Variants in SUGCT observed in about 807,000 individuals in gnomAD.
SUGCT encodes succinyl-CoA:glutarate CoA-transferase.
In SUGCT, 41 loss-of-function variants were observed where a neutral mutation model predicts 55.0. The observed-to-expected ratio is 0.74, with a 90% CI of 0.58 to 0.97. SUGCT has a LOEUF of 0.97. Ranked by LOEUF, SUGCT falls within the 50% of genes least tolerant of loss-of-function variation. SUGCT has a pLI of 0.00. For synonymous variants in SUGCT, 187 were observed against 200.4 expected (o/e 0.93, Z 0.56); for missense variants, 568 against 547.8 (o/e 1.04, Z -0.37).
chr7:40,741,240 C>A (rs1787444275), intron 12 of SUGCT, among the ~76,000 whole-genome samples: 1 of 151,664 alleles, frequency 6.6e-6, no homozygotes, highest in Non-Finnish European at 1.5e-5. Context: ...CCACTGCACT[C>A]CAGCCTGGGT....
At chr7:40,809,221 C>G (rs922667268) in intron 13 of SUGCT, among the ~76,000 whole-genome samples, 3 of 152,148 alleles carry the variant, frequency 2.0e-5, no homozygotes, top group African/African-American at 7.2e-5. Context: ...TTGTGAAGTG[C>G]TTAATACTAC....
chr7:40,898,008 G>C, the SUGCT span, among the ~76,000 whole-genome samples: 4 of 152,076 alleles, frequency 2.6e-5, no homozygotes, highest in African/African-American at 4.8e-5. Flanking sequence ...GTTCCCTTCC[G>C]GTGTGAAAGG....
At chr7:40,507,635 C>G (rs977259133) in intron 12 of SUGCT, among the ~76,000 whole-genome samples, 1 of 152,098 alleles carries the variant, frequency 6.6e-6, no homozygotes, top group Non-Finnish European at 1.5e-5. Flanking sequence ...GATTTTGAAG[C>G]CTAGCTTTCT....
At chr7:40,898,031 C>G in the SUGCT span, among the ~76,000 whole-genome samples, 34 of 152,136 alleles carry the variant, frequency 2.2e-4, no homozygotes, top group African/African-American at 8.0e-4. Flanking sequence ...TGTTCTTTCG[C>G]TTTTCAGATA....
intron 12 of SUGCT, among the ~76,000 whole-genome samples, chr7:40,701,321 G>A (rs902745333): frequency 3.9e-5 from 6 of 152,176 alleles, no homozygotes; most frequent in African/African-American, 1.4e-4. Context: ...TCCTATCTCA[G>A]CCACGGCAGC....
chr7:40,472,632 G>T lies in SUGCT; in HGVS notation c.986+13434G>T, dbSNP rs190431367. Among the ~76,000 whole-genome samples the T allele has an allele frequency of 4.6e-5, 7 of 151,940 alleles. No individual in the cohort carries two copies. The East Asian group carries it at 7.7e-4, about 17-fold the overall frequency. ...TTGGAATATACATCCATTTTTAAGA[G>T]AGCAAACCACATAATGCCAATAATA... On this transcript the variant is annotated intron_variant, in intron 11 of 13. Coordinates refer to ENST00000335693, the MANE Select transcript of SUGCT (RefSeq NM_001193313.2).
chr7:40,542,840 G>A (rs939886771), intron 12 of SUGCT, among the ~76,000 whole-genome samples: 1 of 152,146 alleles, frequency 6.6e-6, no homozygotes, highest in Non-Finnish European at 1.5e-5. Context: ...GTTAAACTCC[G>A]AGCTTCTATG....
At chr7:40,254,054 C>T (rs187327576) in intron 7 of SUGCT, among the ~76,000 whole-genome samples, 6 of 152,272 alleles carry the variant, frequency 3.9e-5, no homozygotes, top group East Asian at 3.9e-4. Flanking sequence ...ATATTTCATT[C>T]GTTATTTCAT....
In SUGCT at chr7:40,610,518, A is replaced by G. The variant is rs747800821; in HGVS notation, c.1089+114132A>G. ...TTGTTGAGTAGGGAAGAGCATTAAT[A>G]TAATACATAAGTCAGAAAAAAATTC... On this transcript the variant is annotated intron_variant, in intron 12 of 13. Coordinates refer to ENST00000335693, the MANE Select transcript of SUGCT (RefSeq NM_001193313.2). Among the ~76,000 whole-genome samples, 3 of 152,308 alleles carry G rather than the reference A, an allele frequency of 2.0e-5. No individual in the cohort carries two copies. In the South Asian group the frequency reaches 6.2e-4, roughly 32 times the overall value.
intron 11 of SUGCT, among the ~76,000 whole-genome samples, chr7:40,475,401 C>T (rs762684580): frequency 9.9e-5 from 15 of 152,142 alleles, no homozygotes; most frequent in Non-Finnish European, 1.9e-4. Context: ...GTCTTGTTCA[C>T]GAAGATATTT....
intron 8 of SUGCT, among the ~76,000 whole-genome samples, chr7:40,281,847 T>C (rs886719663): frequency 1.3e-5 from 2 of 152,032 alleles, no homozygotes; most frequent in African/African-American, 4.8e-5. Context: ...GGAGACAGGG[T>C]CTCAATCTGT....
At chr7:40,222,981 A>ATTTC (rs1274845258) in intron 6 of SUGCT, among the ~76,000 whole-genome samples, 5 of 136,988 alleles carry the variant, frequency 3.6e-5, no homozygotes, top group Admixed American at 7.4e-5. Flanking sequence ...TTTATTTTTC[A>ATTTC]TTTCTTTCCT....
At chr7:40,767,446 A>G (rs1481524497) in intron 13 of SUGCT, among the ~76,000 whole-genome samples, 1 of 152,202 alleles carries the variant, frequency 6.6e-6, no homozygotes, top group Non-Finnish European at 1.5e-5. Context: ...CATGGGACCC[A>G]GATCTGATAT....
In SUGCT at chr7:40,406,444, C is replaced by T. The variant is rs77876361; in HGVS notation, c.817-42843C>T. ...GTTCATTTTGGGGAGGGACTGTTAT[C>T]ATCTTTGTTTCAAAGTTAAACTATA... On this transcript the variant is annotated intron_variant, in intron 9 of 13. Coordinates refer to ENST00000335693, the MANE Select transcript of SUGCT (RefSeq NM_001193313.2). Among the ~76,000 whole-genome samples, 868 of 152,200 alleles carry T rather than the reference C, an allele frequency of 5.7e-3. 59 individuals are homozygous for T. In the East Asian group the frequency reaches 0.14, roughly 24 times the overall value.
chr7:40,314,447 TA>T (rs1795316838), intron 8 of SUGCT, among the ~76,000 whole-genome samples: 1 of 147,730 alleles, frequency 6.8e-6, no homozygotes. Context: ...AAAAAATAAA[TA>T]AAAAGAATAA....
intron 12 of SUGCT, among the ~76,000 whole-genome samples, chr7:40,626,411 ATT>A (rs1218799947): frequency 1.4e-5 from 2 of 141,910 alleles, no homozygotes; most frequent in Non-Finnish European, 3.1e-5. Flanking sequence ...CGTGTGCCTA[ATT>A]TTTTTTTTTT....
At chr7:40,242,845 C>G (rs1234749692) in intron 7 of SUGCT, among the ~76,000 whole-genome samples, 1 of 135,894 alleles carries the variant, frequency 7.4e-6, no homozygotes, top group South Asian at 2.5e-4. Flanking sequence ...TAGAACAGGC[C>G]CTTAGTAAAC....
chr7:40,818,160 G>T (rs1228522367), intron 13 of SUGCT, among the ~76,000 whole-genome samples: 1 of 152,198 alleles, frequency 6.6e-6, no homozygotes, highest in Non-Finnish European at 1.5e-5. Context: ...TTGCAATCAG[G>T]ATATTTTGTT....
In SUGCT at chr7:40,595,146, A is replaced by T. The variant is rs1797934032; in HGVS notation, c.1089+98760A>T. Among the ~76,000 whole-genome samples the T allele has an allele frequency of 2.0e-5, 3 of 152,224 alleles. No homozygotes were observed. The South Asian group carries it at 6.2e-4, about 32-fold the overall frequency. On this transcript the variant is annotated intron_variant, in intron 12 of 13. Coordinates refer to ENST00000335693, the MANE Select transcript of SUGCT (RefSeq NM_001193313.2). ...AGGTGCTTCAAAATATATTATGTTT[A>T]TACTATCCGCCACAACTCTGTGAAA... is the stretch of plus-strand genomic sequence containing the variant.
Sources: allele counts gnomAD v4.1 joint callset (sites outside exome capture counted in the v4.1 genomes callset), GRCh38; gene constraint gnomAD v4.1.1; transcripts MANE v1.5; gene names NCBI Gene and HGNC (gene_info 2026-07-23, HGNC 2026-07-21).